The following MAST4 variants were observed in gnomAD, a reference collection of about 807,000 sequenced individuals.
The protein encoded by MAST4 is microtubule associated serine/threonine kinase family member 4.
Under a neutral mutation model 162.7 loss-of-function variants are expected in MAST4, and 89 were observed. The ratio of observed to expected loss-of-function variants is 0.55; its 90% CI spans 0.46 to 0.65. The LOEUF is 0.65. Among genes scored for constraint, MAST4 ranks in the 30% least tolerant of loss-of-function variants. The pLI, the probability that MAST4 is intolerant of heterozygous loss-of-function variation, is 0.00. For synonymous variants in MAST4, 1,479 were observed against 1,361.1 expected (o/e 1.09, Z -1.91); for missense variants, 3,153 against 3,374.0 (o/e 0.93, Z 1.62).
chr5:66,645,061 T>C (rs1168527516), intron 1 of MAST4, among the ~76,000 whole-genome samples: 1 of 152,016 alleles, frequency 6.6e-6, no homozygotes, highest in Non-Finnish European at 1.5e-5. Flanking sequence ...AAACAGAAAG[T>C]GTTGAGCGTG....
chr5:66,759,968 C>CGGGCGCGGTGGCTCACGCCTGTAA, intron 2 of MAST4, 106 bp downstream of exon 2: 2 of 1,104,722 alleles, frequency 1.8e-6, no homozygotes, highest in Non-Finnish European at 2.4e-6. Context: ...ATGGGCCTGC[C>CGGGCGCGGTGGCTCACGCCTGTAA]TCTGCAGACC....
chr5:66,994,529 T>G (rs1750412230), intron 4 of MAST4, among the ~76,000 whole-genome samples: 1 of 152,248 alleles, frequency 6.6e-6, no homozygotes, highest in South Asian at 2.1e-4. Flanking sequence ...TGGCTGTTGT[T>G]CTCATTCCTA....
At chr5:67,069,312 A>ATATAT (rs1561606003) in intron 5 of MAST4, among the ~76,000 whole-genome samples, 13 of 134,032 alleles carry the variant, frequency 9.7e-5, no homozygotes, top group East Asian at 2.1e-4. Context: ...ATATATATAT[A>ATATAT]AAATTTTAAA....
chr5:66,883,533 A>G (rs1251876207), intron 3 of MAST4, among the ~76,000 whole-genome samples: 1 of 145,352 alleles, frequency 6.9e-6, no homozygotes, highest in African/African-American at 2.6e-5. Context: ...GGTTCAAGTG[A>G]TTCTCCTGCC....
Position 67,164,446 on chromosome 5 carries a change from T to C in MAST4, c.5267T>C (p.Val1756Ala). The C allele has an allele frequency of 6.2e-7, 1 of 1,614,002 alleles. No individual in the cohort carries two copies. Among genetic ancestry groups the C allele is most frequent in the Non-Finnish European group, 8.5e-7 (1 of 1,179,886 alleles). ...GCTCAGATGAGTGCCGTCTCTTTTGTTCCCCTCAAGGCCTTAACAGGCCGG... is the reference window on the plus strand; with the variant it reads ...GCTCAGATGAGTGCCGTCTCTTTTGCTCCCCTCAAGGCCTTAACAGGCCGG... ...HAAQMSAVSF[V>A]PLKALTGRVD... The change falls in exon 29 of 29, where the codon GTT becomes GCT. Residue 1756 changes from valine (V) to alanine (A), a missense_variant. This residue lies in a region of MAST4 where 1,644 missense variants were observed against 1,495.0 expected (regional missense o/e 1.10). Transcript: ENST00000403625. This position sits in a 1 kb window ranked among gnomAD's most constrained non-coding sequence, Gnocchi z 5.3.
chr5:66,634,879 G>A (rs912240661), intron 1 of MAST4, among the ~76,000 whole-genome samples: 44 of 152,202 alleles, frequency 2.9e-4, no homozygotes, highest in African/African-American at 1.0e-3. Context: ...TGAGCCCTCT[G>A]CTTCCTTCTC....
intron 3 of MAST4, among the ~76,000 whole-genome samples, chr5:66,806,017 T>G (rs1281849936): frequency 6.6e-6 from 1 of 152,218 alleles, no homozygotes. Context: ...TGGAAACTTT[T>G]TCTTGCTGGC....
chr5:67,155,335 T>C (rs763246059), intron 26 of MAST4, among the ~76,000 whole-genome samples: 1 of 152,198 alleles, frequency 6.6e-6, no homozygotes, highest in Non-Finnish European at 1.5e-5. Flanking sequence ...TCCCTGACAG[T>C]GTCCTCCTTC....
chr5:66,722,720 A>G (rs192565600), intron 1 of MAST4, among the ~76,000 whole-genome samples: 3 of 152,290 alleles, frequency 2.0e-5, no homozygotes, highest in Admixed American at 1.3e-4. Flanking sequence ...TATATCCAGC[A>G]TCCTCATTGT....
intron 4 of MAST4, among the ~76,000 whole-genome samples, chr5:66,928,778 A>C (rs1765088938): frequency 6.6e-6 from 1 of 152,156 alleles, no homozygotes; most frequent in African/African-American, 2.4e-5. Context: ...TTCCATGTTG[A>C]GTGCTTCTGG....
At chr5:66,989,512 C>T (rs75451556) in intron 4 of MAST4, among the ~76,000 whole-genome samples, 2,892 of 152,248 alleles carry the variant, frequency 0.019, 140 homozygotes, top group East Asian at 0.18. Flanking sequence ...AATGGAGGCA[C>T]AGCAGGAATG....
chr5:66,702,539 T>C (rs1749849300), intron 1 of MAST4, among the ~76,000 whole-genome samples: 1 of 151,826 alleles, frequency 6.6e-6, no homozygotes, highest in Non-Finnish European at 1.5e-5. Flanking sequence ...GGCCTTTCGG[T>C]TAGGGTAACA....
intron 4 of MAST4, among the ~76,000 whole-genome samples, chr5:66,935,675 T>TTTC (rs1742666158): frequency 8.9e-6 from 1 of 111,970 alleles, no homozygotes; most frequent in African/African-American, 4.8e-5. Flanking sequence ...TCTTTCTTTC[T>TTTC]TTTTTTTTTT....
intron 4 of MAST4, among the ~76,000 whole-genome samples, chr5:66,946,098 AG>A (rs965714472): frequency 3.9e-5 from 6 of 152,130 alleles, no homozygotes; most frequent in African/African-American, 1.4e-4. Context: ...AACAATTCCC[AG>A]GGAATCCCCA....
rs1292516835 is a variant in MAST4 at position 67,169,420 on chromosome 5, A to C, written c.*2369A>C. On this transcript the variant is annotated 3_prime_UTR_variant, in exon 29 of 29. Transcript: ENST00000403625. ...ATTGTAGGATGTGCTCCTTGGTAGT[A>C]CTCCCAGCTGTAGATTTACCAGCTT... is the stretch of plus-strand genomic sequence containing the variant. The C allele has an allele frequency of 1.3e-5, 2 of 151,988 alleles. No homozygotes were observed. The highest frequency in any genetic ancestry group is 2.4e-5 in the African/African-American group (1 of 41,372). The allele number at this position is 151,988 out of a possible 1,614,324, so 9.4% of individuals were successfully genotyped here.
intron 1 of MAST4, among the ~76,000 whole-genome samples, chr5:66,609,597 G>C (rs1176529680): frequency 6.6e-6 from 1 of 150,970 alleles, no homozygotes; most frequent in African/African-American, 2.4e-5. Flanking sequence ...ATGCTGCCCA[G>C]GCTGGTCTTG....
chr5:67,103,118 G>A (rs1423773815), intron 9 of MAST4, among the ~76,000 whole-genome samples: 2 of 152,158 alleles, frequency 1.3e-5, no homozygotes, highest in African/African-American at 2.4e-5. Flanking sequence ...CACAGTTGTC[G>A]TGTTCTCCAG....
rs117899000 is a variant in MAST4 at position 66,999,087 on chromosome 5, C to T, written c.675-55317C>T. ...CCACGTGGTTTATTGATGGATCTTC[C>T]AGACAGCTGTTTTAGAATGGAGAGA... On this transcript the variant is annotated intron_variant, in intron 4 of 28. Coordinates refer to ENST00000403625, the MANE Select transcript of MAST4 (RefSeq NM_001164664.2). Among the ~76,000 whole-genome samples the T allele has an allele frequency of 1.6e-3, 249 of 152,318 alleles. 4 individuals are homozygous for T. The East Asian group carries it at 0.044, about 27-fold the overall frequency.
chr5:66,945,572 T>C (rs1743927482), intron 4 of MAST4, among the ~76,000 whole-genome samples: 1 of 151,972 alleles, frequency 6.6e-6, no homozygotes, highest in Non-Finnish European at 1.5e-5. Flanking sequence ...GAAAGTAAAC[T>C]ATGACTCATC....
Sources: gnomAD v4.1 joint callset for allele counts (sites outside exome capture counted in the v4.1 genomes callset) on GRCh38, gnomAD v4.1.1 for gene constraint, gnomAD v4.1.1 regional missense constraint, Gnocchi (gnomAD v3.1) non-coding constraint, MANE v1.5 for transcripts, NCBI Gene and HGNC (gene_info 2026-07-23, HGNC 2026-07-21) for gene names.